SYT1: variants seen among roughly 807,000 people sequenced by gnomAD.
SYT1 encodes synaptotagmin 1.
A neutral mutation model predicts 44.8 loss-of-function variants in SYT1; 8 were observed. The observed-to-expected ratio is 0.18, with a 90% CI of 0.10 to 0.32. The LOEUF (loss-of-function observed/expected upper bound fraction) is 0.32, where lower values mean the gene tolerates loss of function less well. SYT1 is among the 10% of genes least tolerant of loss of function. The pLI, the probability that SYT1 is intolerant of heterozygous loss-of-function variation, is 1.00. For synonymous variants in SYT1, 154 were observed against 188.8 expected (o/e 0.82, Z 1.51); for missense variants, 286 against 509.3 (o/e 0.56, Z 4.22).
intron 1 of SYT1, among the ~76,000 whole-genome samples, chr12:78,952,870 T>TTTTTG (rs1230540135): frequency 1.3e-5 from 2 of 152,106 alleles, no homozygotes; most frequent in Admixed American, 6.6e-5. Flanking sequence ...TGCTGAGGGA[T>TTTTTG]TTTTGTTTTG....
chr12:79,419,395 G>T (rs748424046), intron 9 of SYT1: 4 of 430,066 alleles, frequency 9.3e-6, no homozygotes, highest in Non-Finnish European at 1.9e-5. Context: ...CAGTCATAGT[G>T]GTAAGCTCAC....
Position 79,347,479 on chromosome 12 carries a change from T to C in SYT1, c.811-6023T>C, listed in dbSNP as rs377502467. On this transcript the variant is annotated intron_variant, in intron 8 of 10. Transcript: ENST00000261205. ...ATTGACTGAGGTCTTGATGTAACTG[T>C]ATCACAGCCCAACTTCTCAACCTGT... is the stretch of plus-strand genomic sequence containing the variant. 4.6e-5 allele frequency among the ~76,000 whole-genome samples: 7 copies of C among 152,306 alleles called. 1 individual carries two copies. The highest frequency in any genetic ancestry group is 3.3e-4 in the Admixed American group (5 of 15,300).
intron 2 of SYT1, among the ~76,000 whole-genome samples, chr12:79,012,645 T>A (rs1440516391): frequency 6.6e-6 from 1 of 152,190 alleles, no homozygotes; most frequent in African/African-American, 2.4e-5. Flanking sequence ...CAAAAAGAGC[T>A]GAAGGGAAAA....
intron 1 of SYT1, among the ~76,000 whole-genome samples, chr12:78,924,073 T>G (rs979972575): frequency 1.3e-5 from 2 of 151,958 alleles, no homozygotes; most frequent in African/African-American, 4.8e-5. Context: ...AAATAGTCTC[T>G]CAATTTAAGT....
intron 2 of SYT1, 27 bp from the exon 3 acceptor site, chr12:79,047,270 C>CCT (rs1383812097): frequency 6.6e-6 from 1 of 151,456 alleles, no homozygotes; most frequent in Non-Finnish European, 1.5e-5. Context: ...AGTCAAGTAA[C>CCT]CTCTGTATAT....
At chr12:78,869,635 G>T (rs1321735417) in intron 1 of SYT1, among the ~76,000 whole-genome samples, 1 of 151,862 alleles carries the variant, frequency 6.6e-6, no homozygotes, top group East Asian at 1.9e-4. Context: ...ATATTTAAGA[G>T]AGTTTCAAAA....
chr12:79,363,579 A>C (rs1883410299), intron 9 of SYT1, among the ~76,000 whole-genome samples: 1 of 151,510 alleles, frequency 6.6e-6, no homozygotes, highest in Non-Finnish European at 1.5e-5. Flanking sequence ...AATTAAAAAA[A>C]AAAAAAATAG....
chr12:79,438,022 C>T lies in SYT1; in HGVS notation c.929-6051C>T, dbSNP rs143800857. 2.0e-3 allele frequency among the ~76,000 whole-genome samples: 310 copies of T among 152,128 alleles called. 3 individuals carry two copies. Among genetic ancestry groups the T allele is most frequent in the African/African-American group, 7.2e-3 (299 of 41,510 alleles). ...TTTCGCAGGAAGGGTACTGTGGAAA[C>T]GCCAGCAAAGGTGGGATCAGGAATT... On this transcript the variant is annotated intron_variant, in intron 9 of 10. Transcript: ENST00000261205.
chr12:79,306,224 C>T (rs1227203333), intron 8 of SYT1, among the ~76,000 whole-genome samples: 1 of 152,204 alleles, frequency 6.6e-6, no homozygotes, highest in Non-Finnish European at 1.5e-5. Context: ...AACAAATATG[C>T]ATTCTAATGT....
At position 79,352,044 on chromosome 12, in the gene SYT1, A is replaced by G. The variant is rs996405905; in HGVS notation, c.811-1458A>G. Among the ~76,000 whole-genome samples the G allele has an allele frequency of 2.0e-5, 3 of 152,260 alleles. No homozygotes were observed. In the East Asian group the frequency reaches 5.8e-4, roughly 29 times the overall value. ...CAAGAAATGAAACACTTGGAGCCAT[A>G]AACATATTTGGTGATGTTTCCAGCA... On this transcript the variant is annotated intron_variant, in intron 8 of 10. Coordinates refer to ENST00000261205, the MANE Select transcript of SYT1 (RefSeq NM_005639.3).
intron 3 of SYT1, among the ~76,000 whole-genome samples, chr12:79,110,212 C>T (rs1249324102): frequency 6.6e-6 from 1 of 151,756 alleles, no homozygotes; most frequent in African/African-American, 2.4e-5. Flanking sequence ...TAGCGTCCTA[C>T]ACAAGGAATA....
intron 3 of SYT1, among the ~76,000 whole-genome samples, chr12:79,189,092 A>G (rs1452374833): frequency 6.6e-6 from 1 of 152,152 alleles, no homozygotes; most frequent in Non-Finnish European, 1.5e-5. Flanking sequence ...AACTGAGTAA[A>G]AAGATGACTA....
chr12:79,146,068 T>C lies in SYT1; in HGVS notation c.-17-71435T>C, dbSNP rs1218766517. The stretch of plus-strand genomic sequence containing the variant: ...CACCGCGCCCGGCCTAAACATAGTG[T>C]TTTAAGTCCTGTGGAGGAGAGGGAA... On this transcript the variant is annotated intron_variant, in intron 3 of 10. Coordinates refer to ENST00000261205, the MANE Select transcript of SYT1 (RefSeq NM_005639.3). Among the ~76,000 whole-genome samples the C allele has an allele frequency of 5.3e-5, 8 of 152,280 alleles. No homozygotes were observed. The South Asian group carries it at 1.7e-3, about 32-fold the overall frequency.
chr12:78,882,310 T>G (rs1874502712), intron 1 of SYT1, among the ~76,000 whole-genome samples: 1 of 151,654 alleles, frequency 6.6e-6, no homozygotes, highest in Non-Finnish European at 1.5e-5. Flanking sequence ...TCTGGTATAT[T>G]TGAGGGAGGA....
chr12:79,318,026 A>G (rs1006092188), intron 8 of SYT1, among the ~76,000 whole-genome samples: 4 of 152,224 alleles, frequency 2.6e-5, no homozygotes, highest in African/African-American at 9.6e-5. Context: ...AAAAATTTTT[A>G]AAGAATGAGA....
chr12:78,891,728 T>G (rs901553116), intron 1 of SYT1, among the ~76,000 whole-genome samples: 4 of 151,902 alleles, frequency 2.6e-5, no homozygotes, highest in Non-Finnish European at 5.9e-5. Flanking sequence ...TGTGGCAATT[T>G]GAACTGTGCT....
chr12:79,190,051 A>G (rs995121040), intron 3 of SYT1, among the ~76,000 whole-genome samples: 1 of 152,138 alleles, frequency 6.6e-6, no homozygotes, highest in African/African-American at 2.4e-5. Context: ...CTGGTGGAAG[A>G]CCTCTGCCTT....
chr12:79,196,167 T>C (rs1873442114), intron 3 of SYT1, among the ~76,000 whole-genome samples: 1 of 71,108 alleles, frequency 1.4e-5, no homozygotes, highest in African/African-American at 6.4e-5. Flanking sequence ...GTTGTTGTTG[T>C]TGTTGTTGTT....
At chr12:79,423,142 T>A (rs1018688314) in intron 9 of SYT1, among the ~76,000 whole-genome samples, 1 of 152,134 alleles carries the variant, frequency 6.6e-6, no homozygotes, top group Non-Finnish European at 1.5e-5. Context: ...CACTCCAAGA[T>A]CTGTTCTTTT....
Sources: allele counts gnomAD v4.1 joint callset (sites outside exome capture counted in the v4.1 genomes callset), GRCh38; gene constraint gnomAD v4.1.1; transcripts MANE v1.5; gene names NCBI Gene and HGNC (gene_info 2026-07-23, HGNC 2026-07-21).